The following SCHIP1 variants were observed in gnomAD, a reference collection of about 807,000 sequenced individuals.
The protein encoded by SCHIP1 is schwannomin interacting protein 1.
A neutral mutation model predicts 29.7 loss-of-function variants in SCHIP1; 8 were observed. That is an observed-to-expected ratio of 0.27 (90% confidence interval 0.16 to 0.49). The LOEUF is 0.49. Among genes scored for constraint, SCHIP1 ranks in the 20% least tolerant of loss-of-function variants. The pLI, the probability that SCHIP1 is intolerant of heterozygous loss-of-function variation, is 0.99. For synonymous variants in SCHIP1, 76 were observed against 94.9 expected (o/e 0.80, Z 1.16); for missense variants, 193 against 294.6 (o/e 0.66, Z 2.52).
the SCHIP1 span, among the ~76,000 whole-genome samples, chr3:159,533,340 T>C: frequency 6.6e-6 from 1 of 151,766 alleles, no homozygotes; most frequent in Admixed American, 6.6e-5. Context: ...CCAGAACACA[T>C]AGGTGAAGGG....
chr3:159,618,482 C>G, the SCHIP1 span, among the ~76,000 whole-genome samples: 1 of 151,578 alleles, frequency 6.6e-6, no homozygotes, highest in Admixed American at 6.6e-5. Flanking sequence ...GTTTATGAAA[C>G]TGATCTGGGT....
chr3:159,725,836 A>T, the SCHIP1 span, among the ~76,000 whole-genome samples: 7 of 152,342 alleles, frequency 4.6e-5, no homozygotes, highest in East Asian at 1.3e-3. Flanking sequence ...GTATAATTAT[A>T]CTAAGGTAAA....
the SCHIP1 span, among the ~76,000 whole-genome samples, chr3:159,475,991 A>G: frequency 6.6e-6 from 1 of 152,172 alleles, no homozygotes; most frequent in African/African-American, 2.4e-5. Context: ...GAGCTGTGTA[A>G]ACCAGAAACC....
At chr3:159,542,663 G>T in the SCHIP1 span, among the ~76,000 whole-genome samples, 1 of 151,926 alleles carries the variant, frequency 6.6e-6, no homozygotes, top group Non-Finnish European at 1.5e-5. Flanking sequence ...CAGGAATCCT[G>T]CCACCTCCAG....
chr3:159,533,231 T>A, the SCHIP1 span, among the ~76,000 whole-genome samples: 10 of 151,030 alleles, frequency 6.6e-5, no homozygotes, highest in South Asian at 2.1e-3. Context: ...TGACAGTAGG[T>A]GGGGTCAAGG....
chr3:159,855,023 C>A (rs1191757918), intron 1 of SCHIP1, among the ~76,000 whole-genome samples: 2 of 152,162 alleles, frequency 1.3e-5, no homozygotes, highest in African/African-American at 4.8e-5. Context: ...AACCCATTAT[C>A]TAACAAAGGC....
the SCHIP1 span, among the ~76,000 whole-genome samples, chr3:159,795,197 C>T: frequency 6.6e-6 from 1 of 152,184 alleles, no homozygotes; most frequent in South Asian, 2.1e-4. Context: ...TCTCCGTGAC[C>T]TTAGAGCAGG....
intron 1 of SCHIP1, among the ~76,000 whole-genome samples, chr3:159,862,084 A>G (rs1180712796): frequency 1.3e-5 from 2 of 152,182 alleles, no homozygotes; most frequent in Non-Finnish European, 2.9e-5. Flanking sequence ...ATGGGAAGAT[A>G]TTTGTATTGT....
chr3:159,396,939 C>G, the SCHIP1 span, among the ~76,000 whole-genome samples: 56 of 146,654 alleles, frequency 3.8e-4, no homozygotes, highest in African/African-American at 1.3e-3. Flanking sequence ...TCCATTCTCC[C>G]CATCACTTTC....
intron 2 of SCHIP1, among the ~76,000 whole-genome samples, chr3:159,884,350 T>TGTGTGC (rs1716752177): frequency 1.7e-4 from 2 of 12,084 alleles, no homozygotes; most frequent in Non-Finnish European, 2.3e-4. Context: ...TGTCTGTGTC[T>TGTGTGC]GTGTGTGTGT....
the SCHIP1 span, among the ~76,000 whole-genome samples, chr3:159,359,388 G>C: frequency 0.016 from 2,472 of 152,228 alleles, 56 homozygotes; most frequent in African/African-American, 0.056. Context: ...CTGCCTTTCT[G>C]ATGGGTCATA....
At chr3:159,557,217 A>C in the SCHIP1 span, among the ~76,000 whole-genome samples, 2 of 151,804 alleles carry the variant, frequency 1.3e-5, no homozygotes, top group African/African-American at 2.4e-5. Context: ...TCAGCCTCCC[A>C]AAAAAAAGAT....
chr3:159,328,584 A>G, the SCHIP1 span, among the ~76,000 whole-genome samples: 1 of 152,220 alleles, frequency 6.6e-6, no homozygotes, highest in East Asian at 1.9e-4. Flanking sequence ...CATTATAAGC[A>G]AAAGTAGAAG....
At chr3:159,342,484 G>A in the SCHIP1 span, among the ~76,000 whole-genome samples, 2 of 152,114 alleles carry the variant, frequency 1.3e-5, no homozygotes, top group Non-Finnish European at 2.9e-5. Flanking sequence ...TATAGTGCAG[G>A]AAATATCTTT....
the SCHIP1 span, among the ~76,000 whole-genome samples, chr3:159,834,582 A>G: frequency 1.3e-5 from 2 of 152,190 alleles, no homozygotes; most frequent in East Asian, 1.9e-4. Context: ...TTGTCTGTAG[A>G]TGATGCCAGT....
the SCHIP1 span, among the ~76,000 whole-genome samples, chr3:159,650,126 T>C: frequency 6.6e-6 from 1 of 152,194 alleles, no homozygotes; most frequent in African/African-American, 2.4e-5. Context: ...TGAGAGATCA[T>C]CTGGTATAAA....
chr3:159,298,804 C>CA, the SCHIP1 span, among the ~76,000 whole-genome samples: 28 of 151,992 alleles, frequency 1.8e-4, no homozygotes, highest in African/African-American at 2.7e-4. Context: ...GAAAATAAAA[C>CA]AAAAAAAATC....
chr3:159,604,272 G>A, the SCHIP1 span, among the ~76,000 whole-genome samples: 1 of 152,176 alleles, frequency 6.6e-6, no homozygotes, highest in Non-Finnish European at 1.5e-5. Flanking sequence ...TCCTAATGAA[G>A]TCATAAGCAG....
the SCHIP1 span, among the ~76,000 whole-genome samples, chr3:159,628,056 G>A: frequency 7.9e-5 from 12 of 152,310 alleles, no homozygotes; most frequent in African/African-American, 2.6e-4. Context: ...CAGGACATTT[G>A]CTAATTCTTA....
Sources: gnomAD v4.1 joint callset for allele counts (sites outside exome capture counted in the v4.1 genomes callset) on GRCh38, gnomAD v4.1.1 for gene constraint, MANE v1.5 for transcripts, NCBI Gene and HGNC (gene_info 2026-07-23, HGNC 2026-07-21) for gene names.